ELAVL2: variants seen among roughly 807,000 people sequenced by gnomAD.
ELAVL2 encodes the protein ELAV-like protein 2.
In ELAVL2, 4 loss-of-function variants were observed where a neutral mutation model predicts 34.6. The ratio of observed to expected loss-of-function variants is 0.12; its 90% confidence interval spans 0.06 to 0.26. ELAVL2 has a LOEUF of 0.26. ELAVL2 is among the 10% of genes least tolerant of loss of function. The pLI is 1.00. For missense variants in ELAVL2, 432 were observed against 442.8 expected, an observed-to-expected ratio of 0.98 and a Z score of 0.22; for synonymous variants, 193 against 154.8, an observed-to-expected ratio of 1.25 and a Z score of -1.83.
At chr9:23,826,967 G>A (rs2065335543), upstream of ELAVL2, among the ~76,000 whole-genome samples, 1 of 152,214 alleles carries the variant, frequency 6.6e-6, no homozygotes, top group African/African-American at 2.4e-5. Flanking sequence ...TAAAGATGAA[G>A]TCAGAAATGC....
chr9:23,806,683 A>G (rs1016140822), intron 1 of ELAVL2, among the ~76,000 whole-genome samples: 3 of 152,192 alleles, frequency 2.0e-5, no homozygotes, highest in Non-Finnish European at 4.4e-5. Flanking sequence ...AGTTATAAGA[A>G]TCACTGACAT....
intron 3 of ELAVL2, among the ~76,000 whole-genome samples, chr9:23,720,082 C>T (rs1009682864): frequency 7.9e-5 from 12 of 152,110 alleles, no homozygotes; most frequent in African/African-American, 2.7e-4. Context: ...CCGCCTCAGC[C>T]TCCCAAAGTG....
chr9:23,748,818 A>G (rs1024932399), intron 2 of ELAVL2, among the ~76,000 whole-genome samples: 3 of 152,158 alleles, frequency 2.0e-5, no homozygotes, highest in East Asian at 1.9e-4. Flanking sequence ...CTACAGCCCA[A>G]GGGGAAAAAA....
chr9:23,822,201 A>C (rs890855125), intron 1 of ELAVL2, among the ~76,000 whole-genome samples: 1 of 152,164 alleles, frequency 6.6e-6, no homozygotes, highest in Non-Finnish European at 1.5e-5. Flanking sequence ...ATAAATATAT[A>C]TAAGTATACA....
At chr9:23,792,066 A>G (rs1289394801) in intron 1 of ELAVL2, among the ~76,000 whole-genome samples, 1 of 152,206 alleles carries the variant, frequency 6.6e-6, no homozygotes, top group Non-Finnish European at 1.5e-5. Flanking sequence ...CAGTAGAAAC[A>G]GCACTTCAAG....
chr9:23,761,508 T>C (rs2054994772), intron 2 of ELAVL2, among the ~76,000 whole-genome samples: 1 of 152,148 alleles, frequency 6.6e-6, no homozygotes, highest in East Asian at 1.9e-4. Context: ...GAACATAAGA[T>C]CTCATCACGC....
chr9:23,773,650 A>G (rs1002588945), intron 1 of ELAVL2, among the ~76,000 whole-genome samples: 1 of 152,186 alleles, frequency 6.6e-6, no homozygotes, highest in Non-Finnish European at 1.5e-5. Flanking sequence ...AGGAGAAGGG[A>G]GCACATACGC....
intron 2 of ELAVL2, among the ~76,000 whole-genome samples, chr9:23,756,491 T>C (rs1156463265): frequency 1.3e-5 from 2 of 152,266 alleles, no homozygotes; most frequent in South Asian, 2.1e-4. Context: ...GCCATTCTTT[T>C]AGAAGAAAGG....
At chr9:23,734,268 A>T (rs1461489241) in intron 2 of ELAVL2, among the ~76,000 whole-genome samples, 1 of 152,206 alleles carries the variant, frequency 6.6e-6, no homozygotes, top group Non-Finnish European at 1.5e-5. Flanking sequence ...GGTATCGCAG[A>T]TGATACCAAG....
At chr9:23,783,551 C>T (rs979066887) in intron 1 of ELAVL2, 2 of 958,896 alleles carry the variant, frequency 2.1e-6, no homozygotes, top group South Asian at 9.6e-5. Context: ...CTTTAGTCAC[C>T]ACTAAAAGGA....
the ELAVL2 span, among the ~76,000 whole-genome samples, chr9:23,831,854 C>T: frequency 6.6e-6 from 1 of 151,536 alleles, no homozygotes; most frequent in Non-Finnish European, 1.5e-5. Context: ...AAAAAGCCCA[C>T]GGGGCTTAAA....
intron 3 of ELAVL2, among the ~76,000 whole-genome samples, chr9:23,728,663 C>T (rs1307288806): frequency 1.3e-5 from 2 of 152,028 alleles, no homozygotes; most frequent in Admixed American, 6.6e-5. Flanking sequence ...AATGAAAAGG[C>T]TTAACTCAAC....
intron 1 of ELAVL2, among the ~76,000 whole-genome samples, chr9:23,791,448 G>A (rs764981381): frequency 3.9e-5 from 6 of 152,250 alleles, no homozygotes; most frequent in South Asian, 4.1e-4. Flanking sequence ...AATCTCCAAC[G>A]TGACTATATT....
chr9:23,823,043 A>T (rs755862421), intron 1 of ELAVL2, among the ~76,000 whole-genome samples: 16 of 152,234 alleles, frequency 1.1e-4, no homozygotes, highest in Non-Finnish European at 2.1e-4. Flanking sequence ...AACCAAGGTC[A>T]AAAGCGAGAT....
intron 1 of ELAVL2, among the ~76,000 whole-genome samples, chr9:23,769,824 G>A (rs992878257): frequency 3.3e-5 from 5 of 152,106 alleles, no homozygotes; most frequent in Non-Finnish European, 7.4e-5. Context: ...TGACTTCTAC[G>A]GACAAAGTAC....
intron 1 of ELAVL2, among the ~76,000 whole-genome samples, chr9:23,801,173 G>A (rs1203187827): frequency 6.6e-6 from 1 of 152,040 alleles, no homozygotes; most frequent in African/African-American, 2.4e-5. Flanking sequence ...ACGCACCCAG[G>A]AATACTGAAG....
chr9:23,846,336 T>C, the ELAVL2 span, among the ~76,000 whole-genome samples: 2 of 151,922 alleles, frequency 1.3e-5, no homozygotes, highest in African/African-American at 4.8e-5. Flanking sequence ...AAGTAAACTC[T>C]AGCTTAGAAA....
chr9:23,724,511 A>C (rs923021471), intron 3 of ELAVL2, among the ~76,000 whole-genome samples: 3 of 152,150 alleles, frequency 2.0e-5, no homozygotes. Context: ...ATGAGTAAGA[A>C]ATTTCTGGGC....
intron 1 of ELAVL2, among the ~76,000 whole-genome samples, chr9:23,766,096 A>C (rs2056197150): frequency 6.6e-6 from 1 of 152,198 alleles, no homozygotes; most frequent in African/African-American, 2.4e-5. Context: ...ACTTATTGAT[A>C]ATTATAAAAA....
Sources: allele counts gnomAD v4.1 joint callset (sites outside exome capture counted in the v4.1 genomes callset), GRCh38; gene constraint gnomAD v4.1.1; transcripts MANE v1.5; gene names NCBI Gene and HGNC (gene_info 2026-07-23, HGNC 2026-07-21).